Variants in NBEA observed in about 807,000 individuals in gnomAD.
NBEA encodes the protein lysosomal-trafficking regulator 2.
In NBEA, 44 loss-of-function variants were observed where a neutral mutation model predicts 343.4. That is an observed-to-expected ratio of 0.13 (90% CI 0.10 to 0.16). NBEA has a LOEUF of 0.16. Ranked by LOEUF, NBEA falls within the 10% of genes least tolerant of loss-of-function variation. The pLI, the probability that NBEA is intolerant of heterozygous loss-of-function variation, is 1.00. For synonymous variants in NBEA, 1,175 were observed against 1,238.7 expected (o/e 0.95, Z 1.08); for missense variants, 2,555 against 3,631.3 (o/e 0.70, Z 7.62).
At chr13:35,639,519 T>C (rs1029197851) in intron 49 of NBEA, among the ~76,000 whole-genome samples, 1 of 152,158 alleles carries the variant, frequency 6.6e-6, no homozygotes, top group African/African-American at 2.4e-5. Context: ...AGAAAGATGA[T>C]ATCAATCACA....
At chr13:35,398,310 C>T (rs991702015) in intron 38 of NBEA, among the ~76,000 whole-genome samples, 1 of 152,088 alleles carries the variant, frequency 6.6e-6, no homozygotes, top group Non-Finnish European at 1.5e-5. Context: ...TTAGCTTCTC[C>T]CAAACTCCTG....
chr13:35,455,206 A>G (rs1051863755), intron 40 of NBEA, among the ~76,000 whole-genome samples: 6 of 152,128 alleles, frequency 3.9e-5, no homozygotes, highest in Non-Finnish European at 7.4e-5. Flanking sequence ...CCTGTTATTT[A>G]CAAAACCCCG....
At chr13:35,224,181 C>G (rs2152763812) in intron 33 of NBEA, among the ~76,000 whole-genome samples, 1 of 152,278 alleles carries the variant, frequency 6.6e-6, no homozygotes, top group East Asian at 1.9e-4. Flanking sequence ...TTTTAGAACA[C>G]ATGTAGACTG....
intron 1 of NBEA, among the ~76,000 whole-genome samples, chr13:34,987,119 T>G (rs1468157426): frequency 6.6e-6 from 1 of 151,168 alleles, no homozygotes; most frequent in Non-Finnish European, 1.5e-5. Context: ...GTCTTTAAGT[T>G]TGGCATGTTT....
chr13:35,521,504 G>A (rs1278966264), intron 41 of NBEA, among the ~76,000 whole-genome samples: 1 of 152,188 alleles, frequency 6.6e-6, no homozygotes, highest in Non-Finnish European at 1.5e-5. Flanking sequence ...AGGAGAGACT[G>A]GAACTGAGGA....
chr13:34,968,815 AGAGT>A (rs1397134143), intron 1 of NBEA, among the ~76,000 whole-genome samples: 14 of 152,266 alleles, frequency 9.2e-5, no homozygotes, highest in Admixed American at 3.3e-4. Context: ...AGGTGCTATG[AGAGT>A]GAGTAAGGAA....
In NBEA at chr13:35,195,947, C is replaced by G. The variant is rs772827699; in HGVS notation, c.5011C>G (p.Pro1671Ala). The G allele has an allele frequency of 6.2e-7, 1 of 1,613,468 alleles. No individual in the cohort carries two copies. The highest frequency in any genetic ancestry group is 1.3e-5 in the African/African-American group (1 of 74,992). Residue 1671 changes from proline to alanine, a missense_variant, in exon 31 of 59, where the codon CCC becomes GCC. Physicochemically the swap from Pro to Ala is conservative, Grantham distance 27. Transcript: ENST00000379939. ...AGATATTCAGGTAGAAAGTTCAATT[C>G]CCCATACAGATTCAGGAATTGGAGA... ...GEDIQVESSI[P>A]HTDSGIGEEQ... is the part of the protein sequence containing the mutation.
At chr13:35,251,504 G>A in intron 34 of NBEA, 1 of 1,104,404 alleles carries the variant, frequency 9.1e-7, no homozygotes. Context: ...CTTGTGGAGT[G>A]AGCAGCGGCC....
chr13:35,080,422 A>C (rs1241938442), intron 10 of NBEA, among the ~76,000 whole-genome samples: 1 of 152,138 alleles, frequency 6.6e-6, no homozygotes, highest in Admixed American at 6.6e-5. Flanking sequence ...GAAAAAGAAG[A>C]TTCATACATT....
At chr13:35,378,167 A>G (rs1297400112) in intron 38 of NBEA, among the ~76,000 whole-genome samples, 3 of 152,214 alleles carry the variant, frequency 2.0e-5, no homozygotes, top group Admixed American at 1.3e-4. Flanking sequence ...GCCCATAGAA[A>G]TAAAGTCTGT....
chr13:35,070,173 A>G (rs1481757735), intron 9 of NBEA, 68 bp downstream of exon 9: 3 of 1,316,052 alleles, frequency 2.3e-6, no homozygotes, highest in Non-Finnish European at 3.0e-6. Flanking sequence ...TTTATATATC[A>G]AACATTGCTC....
At chr13:35,342,605 A>G (rs1458531022) in intron 36 of NBEA, among the ~76,000 whole-genome samples, 3 of 152,032 alleles carry the variant, frequency 2.0e-5, no homozygotes, top group African/African-American at 7.2e-5. Context: ...GATATGTAAT[A>G]TGTGAGTTTG....
chr13:34,998,522 A>G (rs970079529), intron 1 of NBEA, among the ~76,000 whole-genome samples: 1 of 152,160 alleles, frequency 6.6e-6, no homozygotes, highest in African/African-American at 2.4e-5. Context: ...GCTGCCCCCA[A>G]AGCGGCCATT....
chr13:35,360,544 T>A (rs1207294273), intron 38 of NBEA, among the ~76,000 whole-genome samples: 1 of 152,010 alleles, frequency 6.6e-6, no homozygotes, highest in Non-Finnish European at 1.5e-5. Context: ...AATCCCAAGA[T>A]GACTAAAATG....
chr13:35,187,612 A>G (rs185801730), intron 30 of NBEA, among the ~76,000 whole-genome samples: 1 of 152,084 alleles, frequency 6.6e-6, no homozygotes, highest in Admixed American at 6.5e-5. Flanking sequence ...ACTTGACTCA[A>G]TTACAATAAT....
intron 39 of NBEA, among the ~76,000 whole-genome samples, chr13:35,439,090 T>G (rs1178124874): frequency 1.3e-5 from 2 of 152,200 alleles, no homozygotes; most frequent in Non-Finnish European, 2.9e-5. Context: ...CATAGTTTAC[T>G]GTAGTGATTC....
intron 36 of NBEA, among the ~76,000 whole-genome samples, chr13:35,330,233 A>C (rs979443103): frequency 6.6e-6 from 1 of 152,102 alleles, no homozygotes; most frequent in African/African-American, 2.4e-5. Flanking sequence ...GTAAGAATCA[A>C]ATGAGATGAT....
At chr13:35,092,443 A>T (rs1593317671) in intron 10 of NBEA, among the ~76,000 whole-genome samples, 1 of 152,134 alleles carries the variant, frequency 6.6e-6, no homozygotes, top group South Asian at 2.1e-4. Context: ...TACAGGCTGG[A>T]GGAAGATAAC....
intron 41 of NBEA, among the ~76,000 whole-genome samples, chr13:35,544,244 C>T (rs570545169): frequency 2.0e-5 from 3 of 152,022 alleles, no homozygotes; most frequent in South Asian, 4.1e-4. Context: ...TTCAACAATT[C>T]GTAACAGGAA....
Sources: gnomAD v4.1 joint callset for allele counts (sites outside exome capture counted in the v4.1 genomes callset) on GRCh38, gnomAD v4.1.1 for gene constraint, MANE v1.5 for transcripts, NCBI Gene and HGNC (gene_info 2026-07-23, HGNC 2026-07-21) for gene names.